SAMD4A: variants seen among roughly 807,000 people sequenced by gnomAD.
SAMD4A encodes protein Smaug homolog 1.
SAMD4A carries 33 observed loss-of-function variants against 81.3 expected under a neutral mutation model. The observed-to-expected ratio is 0.41, with a 90% confidence interval of 0.31 to 0.54. The LOEUF (loss-of-function observed/expected upper bound fraction) is 0.54, where lower values mean the gene tolerates loss of function less well. SAMD4A is among the 20% of genes least tolerant of loss of function. The pLI, the probability that SAMD4A is intolerant of heterozygous loss-of-function variation, is 0.37. For synonymous variants in SAMD4A, 389 were observed against 382.1 expected (o/e 1.02, Z -0.21); for missense variants, 854 against 951.1 (o/e 0.90, Z 1.34).
At chr14:54,605,623 G>A (rs1451425952) in intron 2 of SAMD4A, among the ~76,000 whole-genome samples, 3 of 152,226 alleles carry the variant, frequency 2.0e-5, no homozygotes, top group Middle Eastern at 6.8e-3. Flanking sequence ...CCTGCTAAAG[G>A]TTTGAGTTCA....
In SAMD4A at chr14:54,681,985, T is replaced by C. The variant is rs1450141746; in HGVS notation, c.197-20077T>C. 7.1e-6 allele frequency: 7 copies of C among 985,282 alleles called. No individual in the cohort carries two copies. The East Asian group carries it at 5.7e-4, about 80-fold the overall frequency. 61.0% of individuals were successfully genotyped at this position (985,282 alleles called of 1,614,324 possible). On this transcript the variant is annotated intron_variant, in intron 2 of 12. Coordinates refer to ENST00000554335, the MANE Select transcript of SAMD4A (RefSeq NM_015589.6). ...AGACCACAAAATAATTATGCTGTCATAACATGCAGTACCTGGGTCTAGGAC... is the reference window on the plus strand; with the variant it reads ...AGACCACAAAATAATTATGCTGTCACAACATGCAGTACCTGGGTCTAGGAC...
chr14:54,582,898 A>G (rs1463568850), intron 2 of SAMD4A, among the ~76,000 whole-genome samples: 1 of 152,200 alleles, frequency 6.6e-6, no homozygotes, highest in African/African-American at 2.4e-5. Flanking sequence ...TGAAAAGTTT[A>G]TGAGAGTAAA....
intron 2 of SAMD4A, among the ~76,000 whole-genome samples, chr14:54,618,231 C>G (rs375821332): frequency 6.6e-6 from 1 of 152,150 alleles, no homozygotes; most frequent in African/African-American, 2.4e-5. Flanking sequence ...CACCAGCTCC[C>G]GTGAGCTGAT....
chr14:54,747,727 A>G (rs2038002016), intron 4 of SAMD4A, among the ~76,000 whole-genome samples: 1 of 152,216 alleles, frequency 6.6e-6, no homozygotes, highest in Admixed American at 6.5e-5. Flanking sequence ...CATTGTAGGA[A>G]TGAGCTAGGA....
chr14:54,763,403 C>A (rs1045417415), intron 7 of SAMD4A, among the ~76,000 whole-genome samples: 1 of 152,044 alleles, frequency 6.6e-6, no homozygotes, highest in African/African-American at 2.4e-5. Context: ...TCTATCAGTA[C>A]AAATAGCGCC....
intron 5 of SAMD4A, among the ~76,000 whole-genome samples, chr14:54,750,895 T>G (rs1435891790): frequency 2.0e-5 from 3 of 152,204 alleles, no homozygotes; most frequent in African/African-American, 7.2e-5. Context: ...CTCTCTAAGA[T>G]ACAGGAAGAT....
At chr14:54,786,558 G>T (rs2039146264) in intron 12 of SAMD4A, among the ~76,000 whole-genome samples, 1 of 152,232 alleles carries the variant, frequency 6.6e-6, no homozygotes, top group Non-Finnish European at 1.5e-5. Flanking sequence ...CTGACATGGG[G>T]AGGGAAGCCC....
At chr14:54,723,722 A>G (rs1310671594) in intron 3 of SAMD4A, among the ~76,000 whole-genome samples, 2 of 149,614 alleles carry the variant, frequency 1.3e-5, no homozygotes, top group Non-Finnish European at 1.5e-5. Context: ...GATAGAAAAT[A>G]CTGTTTGCAT....
upstream of SAMD4A, chr14:54,566,953 T>C (rs1179049319): frequency 6.6e-6 from 1 of 152,524 alleles, no homozygotes; most frequent in Non-Finnish European, 1.5e-5. Context: ...ACGGCCTAAA[T>C]CCAGAGGGGC....
intron 5 of SAMD4A, among the ~76,000 whole-genome samples, chr14:54,750,015 C>T (rs78850151): frequency 1.5e-3 from 230 of 152,316 alleles, no homozygotes; most frequent in African/African-American, 5.2e-3. Flanking sequence ...GAAAGGCACT[C>T]ATTTCAACTT....
chr14:54,597,645 A>AGTG (rs750489678), intron 2 of SAMD4A, among the ~76,000 whole-genome samples: 1 of 135,952 alleles, frequency 7.4e-6, no homozygotes, highest in East Asian at 2.2e-4. Context: ...GCTGGAGTGC[A>AGTG]GTGGCATGAT....
At chr14:54,770,316 C>T (rs2038666783) in intron 9 of SAMD4A, 94 bp downstream of exon 9, 2 of 814,090 alleles carry the variant, frequency 2.5e-6, no homozygotes, top group African/African-American at 1.7e-5. Context: ...GGCAGGGCAC[C>T]ATTCCTTGTT....
At chr14:54,594,492 A>T (rs1369606434) in intron 2 of SAMD4A, among the ~76,000 whole-genome samples, 1 of 152,236 alleles carries the variant, frequency 6.6e-6, no homozygotes, top group Admixed American at 6.5e-5. Context: ...CCTTTGAAGT[A>T]TACAGACCAC....
intron 4 of SAMD4A, among the ~76,000 whole-genome samples, chr14:54,747,763 C>T (rs1566617180): frequency 6.6e-6 from 1 of 152,170 alleles, no homozygotes; most frequent in Non-Finnish European, 1.5e-5. Context: ...TTCTGGTTGC[C>T]ATTTCACCAC....
chr14:54,707,300 C>T (rs759584631), intron 3 of SAMD4A, among the ~76,000 whole-genome samples: 2 of 151,630 alleles, frequency 1.3e-5, no homozygotes, highest in African/African-American at 4.8e-5. Context: ...GACAGGGTCT[C>T]CCTGTGTTGC....
At chr14:54,692,041 A>G (rs1490169086) in intron 2 of SAMD4A, among the ~76,000 whole-genome samples, 6 of 152,188 alleles carry the variant, frequency 3.9e-5, no homozygotes, top group Admixed American at 3.3e-4. Flanking sequence ...CTTGGTGACA[A>G]TATTTACATG....
At chr14:54,721,372 A>G (rs1420932040) in intron 3 of SAMD4A, among the ~76,000 whole-genome samples, 2 of 152,182 alleles carry the variant, frequency 1.3e-5, no homozygotes, top group African/African-American at 2.4e-5. Context: ...CAATTATTTC[A>G]ATTTTGAGGG....
At chr14:54,568,475 C>T (rs56836700) in intron 2 of SAMD4A, among the ~76,000 whole-genome samples, 2,961 of 151,608 alleles carry the variant, frequency 0.02, 95 homozygotes, top group African/African-American at 0.066. Context: ...CCTTCCTCCT[C>T]CTTCTTTTGG....
chr14:54,663,512 C>T (rs2035688839), intron 2 of SAMD4A, among the ~76,000 whole-genome samples: 1 of 152,160 alleles, frequency 6.6e-6, no homozygotes, highest in Non-Finnish European at 1.5e-5. Flanking sequence ...TACATTCTTC[C>T]TTATAATTTT....
Sources: allele counts gnomAD v4.1 joint callset (sites outside exome capture counted in the v4.1 genomes callset), GRCh38; gene constraint gnomAD v4.1.1; transcripts MANE v1.5; gene names NCBI Gene and HGNC (gene_info 2026-07-23, HGNC 2026-07-21).